The following PDE6A variants were observed in gnomAD, a reference collection of about 807,000 sequenced individuals.
PDE6A encodes phosphodiesterase 6A, also known as rod cGMP-specific 3',5'-cyclic phosphodiesterase subunit alpha.
A neutral mutation model predicts 106.3 loss-of-function variants in PDE6A; 84 were observed. The observed-to-expected ratio is 0.79, with a 90% CI of 0.66 to 0.95. PDE6A has a LOEUF of 0.95. Ranked by LOEUF, PDE6A falls within the 40% of genes least tolerant of loss-of-function variation. The pLI, the probability that PDE6A is intolerant of heterozygous loss-of-function variation, is 0.00. For missense variants in PDE6A, 1,052 were observed against 1,084.9 expected (o/e 0.97, Z 0.43); for synonymous variants, 394 against 386.6 (o/e 1.02, Z -0.23).
At chr5:149,885,352 C>T (rs749981460) in intron 14 of PDE6A, among the ~76,000 whole-genome samples, 64 of 152,192 alleles carry the variant, frequency 4.2e-4, no homozygotes, top group Non-Finnish European at 7.6e-4. Flanking sequence ...TACAGGCCAT[C>T]GGCCCTGAGC....
intron 4 of PDE6A, among the ~76,000 whole-genome samples, chr5:149,927,362 C>T (rs1753893046): frequency 6.6e-6 from 1 of 152,122 alleles, no homozygotes; most frequent in South Asian, 2.1e-4. Context: ...AAACACTGGA[C>T]ACTTAGGCTA....
chr5:149,939,801 A>G (rs901170187), intron 1 of PDE6A, among the ~76,000 whole-genome samples: 1 of 152,216 alleles, frequency 6.6e-6, no homozygotes, highest in Non-Finnish European at 1.5e-5. Context: ...ACTCTCTGCT[A>G]CATGATCCAA....
chr5:149,934,695 C>T lies in PDE6A; in HGVS notation c.498G>A (p.Val166=), dbSNP rs138274547. 3,246 of 1,613,926 alleles carry T rather than the reference C, an allele frequency of 2.0e-3. 26 individuals carry two copies. The highest frequency in any genetic ancestry group is 0.015 in the South Asian group (1,354 of 91,082). The change falls in exon 2 of 22, where the codon GTG becomes GTA. Residue 166 remains valine, a synonymous_variant. Coordinates refer to ENST00000255266, the MANE Select transcript of PDE6A (RefSeq NM_000440.3). Reference sequence around the variant, plus strand: ...TGGTCTTGTACTCTGTGAGGATGTCCACAAAGTCACAGAAATGCTCATCCT... The same window carrying T: ...TGGTCTTGTACTCTGTGAGGATGTCTACAAAGTCACAGAAATGCTCATCCT... ...TEEDEHFCDF[V]DILTEYKTKN... is the part of the protein sequence containing the mutation.
chr5:149,860,154 A>G lies in PDE6A; in HGVS notation c.*741T>C, dbSNP rs990196761. 1.3e-5 allele frequency: 2 copies of G among 152,212 alleles called. No individual in the cohort carries two copies. The highest frequency in any genetic ancestry group is 4.8e-5 in the African/African-American group (2 of 41,422). 9.4% of individuals were successfully genotyped at this position (152,212 alleles called of 1,614,324 possible). A position where few individuals can be genotyped will look rare whatever the true frequency, so the allele number is the denominator to read the frequency against. ...CAGTCTGCCCACCTCAGCCTCCTGA[A>G]GTGCTGGGATTACAGGTGTGAGCCA... is the stretch of plus-strand genomic sequence containing the variant. On this transcript the variant is annotated 3_prime_UTR_variant, in exon 22 of 22. Transcript: ENST00000255266.
chr5:149,867,819 A>G lies in PDE6A; in HGVS notation c.2200-20T>C, dbSNP rs1384176583. ...AGCTACCTGCAACAGACAGACCCTC[A>G]CACACGCAGAGTCAGAGCCCCAGCC... On this transcript the variant is annotated intron_variant, in intron 18 of 21. Transcript: ENST00000255266. 1 of 1,609,280 alleles carries G rather than the reference A, an allele frequency of 6.2e-7. No individual in the cohort carries two copies. The highest frequency in any genetic ancestry group is 1.3e-5 in the African/African-American group (1 of 74,858).
intron 5 of PDE6A, among the ~76,000 whole-genome samples, chr5:149,919,835 T>A (rs1402526216): frequency 1.3e-5 from 2 of 152,224 alleles, no homozygotes; most frequent in Non-Finnish European, 2.9e-5. Context: ...TTAGCCTGTA[T>A]AACTTTTAAA....
chr5:149,902,348 C>T (rs1753008597), intron 8 of PDE6A, among the ~76,000 whole-genome samples: 1 of 152,176 alleles, frequency 6.6e-6, no homozygotes, highest in Non-Finnish European at 1.5e-5. Flanking sequence ...CCCTCCTCTC[C>T]CCTCTGCCCT....
At chr5:149,934,469 G>A (rs1044465033) in intron 2 of PDE6A, 97 bp downstream of exon 2, 5 of 1,217,130 alleles carry the variant, frequency 4.1e-6, no homozygotes, top group African/African-American at 3.0e-5. Context: ...TTACAGATGG[G>A]AAAACTGAGG....
At chr5:149,919,338 C>G (rs1199384790) in intron 5 of PDE6A, among the ~76,000 whole-genome samples, 3 of 152,156 alleles carry the variant, frequency 2.0e-5, no homozygotes, top group African/African-American at 7.2e-5. Context: ...GAAACCTCAT[C>G]TCTACTAAAA....
chr5:149,858,272 G>A lies in PDE6A; in HGVS notation c.*2623C>T, dbSNP rs758455690. ...ATACCTCCATAAAGCTGGTGGTGGG[G>A]GGGGAACGATAGAGAAGGAAAAAAA... On this transcript the variant is annotated 3_prime_UTR_variant, in exon 22 of 22. Transcript: ENST00000255266. The A allele has an allele frequency of 2.0e-5, 3 of 152,092 alleles. No homozygotes were observed. Among genetic ancestry groups the A allele is most frequent in the African/African-American group, 4.8e-5 (2 of 41,402 alleles). The allele number at this position is 152,092 out of a possible 1,614,324, so 9.4% of individuals were successfully genotyped here.
chr5:149,903,575 C>T (rs1753065973), intron 8 of PDE6A, 73 bp downstream of exon 8: 2 of 1,136,576 alleles, frequency 1.8e-6, no homozygotes, highest in Non-Finnish European at 1.3e-6. Flanking sequence ...TGGGTGGATT[C>T]TAATGTATTC....
intron 3 of PDE6A, among the ~76,000 whole-genome samples, chr5:149,931,546 A>G (rs188230520): frequency 6.6e-6 from 1 of 152,244 alleles, no homozygotes; most frequent in Non-Finnish European, 1.5e-5. Flanking sequence ...ATTAATCTGT[A>G]CAAGTACCTA....
chr5:149,899,418 T>C lies in PDE6A; in HGVS notation c.1220A>G (p.Lys407Arg). ...CATTTCATCAAAGGGCTTCCCATCTTTACGATTGTAAAATGTGGCCACTCC... is the reference window on the plus strand; with the variant it reads ...CATTTCATCAAAGGGCTTCCCATCTCTACGATTGTAAAATGTGGCCACTCC... ...IVGVATFYNRKDGKPFDEMDE... is the reference protein window; with the variant it reads ...IVGVATFYNRRDGKPFDEMDE... The change falls in exon 9 of 22, where the codon AAA becomes AGA. Residue 407 changes from lysine (K) to arginine (R), a missense_variant. Lys to Arg is a conservative substitution (Grantham distance 26, BLOSUM62 2). This residue lies in a region of PDE6A where 913 missense variants were observed against 915.2 expected (regional missense o/e 1.00). Coordinates refer to ENST00000255266, the MANE Select transcript of PDE6A (RefSeq NM_000440.3). The C allele has an allele frequency of 1.2e-6, 2 of 1,614,186 alleles. No homozygotes were observed. The highest frequency in any genetic ancestry group is 2.2e-5 in the East Asian group (1 of 44,890).
chr5:149,892,758 G>A (rs1323962187), intron 13 of PDE6A, among the ~76,000 whole-genome samples: 1 of 152,086 alleles, frequency 6.6e-6, no homozygotes, highest in Non-Finnish European at 1.5e-5. Context: ...TGAGATTACA[G>A]GTGTGAGCCA....
intron 6 of PDE6A, among the ~76,000 whole-genome samples, chr5:149,907,741 AATTCCTACCATGTGCT>A (rs1420501486): frequency 6.6e-6 from 1 of 152,230 alleles, no homozygotes; most frequent in Admixed American, 6.5e-5. Flanking sequence ...ATCTATGGAG[AATTCCTACCATGTGCT>A]AAGCACTAAG....
At chr5:149,912,183 T>C (rs1423828028) in intron 6 of PDE6A, among the ~76,000 whole-genome samples, 1 of 152,150 alleles carries the variant, frequency 6.6e-6, no homozygotes, top group South Asian at 2.1e-4. Context: ...ACAGGTGCAA[T>C]CATAGCTCAC....
intron 1 of PDE6A, chr5:149,939,950 A>G (rs1365026829): frequency 6.6e-6 from 1 of 151,188 alleles, no homozygotes; most frequent in Admixed American, 6.6e-5. Context: ...AAAAAAAAAG[A>G]TTGTGAGCTC....
At chr5:149,896,833 T>A in intron 10 of PDE6A, 57 bp from the exon 11 acceptor site, 1 of 1,579,066 alleles carries the variant, frequency 6.3e-7, no homozygotes, top group Non-Finnish European at 8.7e-7. Context: ...GCCTCCGCGT[T>A]TCCATTCCCA....
intron 3 of PDE6A, 106 bp from the exon 4 acceptor site, chr5:149,931,274 T>C (rs549116632): frequency 8.4e-5 from 86 of 1,020,286 alleles, no homozygotes; most frequent in Middle Eastern, 4.2e-4. Flanking sequence ...GTTTATTTCA[T>C]TTACCCTTCA....
Sources: gnomAD v4.1 joint callset for allele counts (sites outside exome capture counted in the v4.1 genomes callset) on GRCh38, gnomAD v4.1.1 for gene constraint, gnomAD v4.1.1 regional missense constraint, MANE v1.5 for transcripts, NCBI Gene and HGNC (gene_info 2026-07-23, HGNC 2026-07-21) for gene names.